Variants in DSTYK observed in about 807,000 individuals in gnomAD.
DSTYK encodes the protein RIP-homologous kinase.
Under a neutral mutation model 98.7 loss-of-function variants are expected in DSTYK, and 34 were observed. The ratio of observed to expected loss-of-function variants is 0.34; its 90% confidence interval spans 0.26 to 0.46. The LOEUF (loss-of-function observed/expected upper bound fraction) is 0.46. Among genes scored for constraint, DSTYK ranks in the 20% least tolerant of loss-of-function variants. The pLI, the probability that DSTYK is intolerant of heterozygous loss-of-function variation, is 1.00. For synonymous variants in DSTYK, 462 were observed against 457.3 expected (o/e 1.01, Z -0.13); for missense variants, 962 against 1,181.7 (o/e 0.81, Z 2.73).
intron 9 of DSTYK, among the ~76,000 whole-genome samples, chr1:205,158,712 T>C (rs572286005): frequency 6.6e-6 from 1 of 152,334 alleles, no homozygotes; most frequent in Admixed American, 6.5e-5. Context: ...CCCCTTGCTA[T>C]GGCCTCTTCC....
chr1:205,176,172 G>C (rs578126474), intron 2 of DSTYK, among the ~76,000 whole-genome samples: 1 of 151,890 alleles, frequency 6.6e-6, no homozygotes, highest in Admixed American at 6.6e-5. Context: ...CCATTTTCTC[G>C]GCATGATTAA....
At position 205,161,477 on chromosome 1, in the gene DSTYK, T is replaced by C; in HGVS notation, c.1819-90A>G. Reference sequence around the variant, plus strand: ...TACAGGGATAATAATATCTACTTCATATAGATAATTGTGAGAATTAAACAA... The same window carrying C: ...TACAGGGATAATAATATCTACTTCACATAGATAATTGTGAGAATTAAACAA... On this transcript the variant is annotated intron_variant, in intron 6 of 12. Transcript: ENST00000367162. 7.0e-6 allele frequency: 9 copies of C among 1,285,260 alleles called. No homozygotes were observed. The South Asian group carries it at 1.3e-4, about 18-fold the overall frequency. 79.6% of individuals were successfully genotyped at this position (1,285,260 alleles called of 1,614,324 possible).
At chr1:205,210,200 G>A (rs1210008366) in intron 1 of DSTYK, among the ~76,000 whole-genome samples, 1 of 152,064 alleles carries the variant, frequency 6.6e-6, no homozygotes, top group African/African-American at 2.4e-5. Flanking sequence ...ACCGCGCCCG[G>A]CCTCTTCAGG....
chr1:205,209,659 T>TAAATTC (rs1159796549), intron 1 of DSTYK, among the ~76,000 whole-genome samples: 4 of 110,068 alleles, frequency 3.6e-5, no homozygotes, highest in South Asian at 2.8e-4. Flanking sequence ...TACTAGTTTT[T>TAAATTC]CTGATACTGT....
At position 205,168,043 on chromosome 1, in the gene DSTYK, T is replaced by C. The variant is rs537765762; in HGVS notation, c.1324+1120A>G. On this transcript the variant is annotated intron_variant, in intron 3 of 12. Coordinates refer to ENST00000367162, the MANE Select transcript of DSTYK (RefSeq NM_015375.3). ...ATTGCTTGAACCCAGGAGGCGGAGG[T>C]TGCAGTGAGTCAAGATCACGCCACT... 2.0e-5 allele frequency among the ~76,000 whole-genome samples: 3 copies of C among 152,048 alleles called. No individual in the cohort carries two copies. The South Asian group carries it at 6.3e-4, about 32-fold the overall frequency.
intron 2 of DSTYK, among the ~76,000 whole-genome samples, chr1:205,176,578 T>C (rs750301524): frequency 2.0e-5 from 3 of 149,386 alleles, no homozygotes; most frequent in African/African-American, 4.9e-5. Context: ...TTGTTTTGGG[T>C]ATAAAGTGTA....
intron 3 of DSTYK, among the ~76,000 whole-genome samples, chr1:205,167,228 G>T (rs1320121163): frequency 3.3e-5 from 5 of 151,634 alleles, no homozygotes; most frequent in Admixed American, 3.3e-4. Flanking sequence ...TGAAACCCCT[G>T]TCTCTAAAAA....
intron 1 of DSTYK, among the ~76,000 whole-genome samples, chr1:205,210,878 C>G (rs1271285724): frequency 6.6e-6 from 1 of 152,268 alleles, no homozygotes; most frequent in African/African-American, 2.4e-5. Flanking sequence ...CATCTCTAAA[C>G]TGGGGCTCTG....
intron 1 of DSTYK, among the ~76,000 whole-genome samples, chr1:205,196,852 G>A (rs999456968): frequency 3.4e-5 from 5 of 144,962 alleles, no homozygotes; most frequent in Non-Finnish European, 5.9e-5. Context: ...GCAGCCTTCC[G>A]GGTTCGAGCA....
intron 1 of DSTYK, among the ~76,000 whole-genome samples, chr1:205,194,620 C>T (rs191719794): frequency 3.4e-4 from 51 of 150,304 alleles, no homozygotes; most frequent in African/African-American, 8.8e-4. Context: ...TGGGTTCAAG[C>T]GACCCTCCCA....
chr1:205,154,410 TC>T (rs969359093), intron 10 of DSTYK, among the ~76,000 whole-genome samples: 5 of 151,964 alleles, frequency 3.3e-5, no homozygotes, highest in Non-Finnish European at 5.9e-5. Context: ...AAGGGGTTTT[TC>T]CCCCCCTTTT....
intron 1 of DSTYK, among the ~76,000 whole-genome samples, chr1:205,201,025 C>T (rs184239473): frequency 6.6e-6 from 1 of 152,208 alleles, no homozygotes; most frequent in Admixed American, 6.5e-5. Context: ...CCTGCCTCAG[C>T]CTCCTGAGTA....
intron 1 of DSTYK, among the ~76,000 whole-genome samples, chr1:205,207,012 A>G (rs1307466355): frequency 6.6e-6 from 1 of 151,950 alleles, no homozygotes; most frequent in Non-Finnish European, 1.5e-5. Context: ...AAGAGGTGAA[A>G]CCAGGATTCA....
rs1558596039 is a variant in DSTYK at position 205,147,529 on chromosome 1, TAG to T, written c.*27_*28del. On this transcript the variant is annotated 3_prime_UTR_variant, in exon 13 of 13. Coordinates refer to ENST00000367162, the MANE Select transcript of DSTYK (RefSeq NM_015375.3). ...AAAAGGTGAGGGGGAAGGAAATAAC[TAG>T]AGAGTGAAAGAGAAAGGTCTTTGCT... The T allele has an allele frequency of 1.9e-6, 3 of 1,592,706 alleles. No individual in the cohort carries two copies. Among genetic ancestry groups the T allele is most frequent in the African/African-American group, 1.3e-5 (1 of 74,514 alleles).
rs1658009736 is a variant in DSTYK at position 205,169,951 on chromosome 1, C to T, written c.655-119G>A. On this transcript the variant is annotated intron_variant, in intron 2 of 12. Coordinates refer to ENST00000367162, the MANE Select transcript of DSTYK (RefSeq NM_015375.3). This position sits in a 1 kb window ranked among gnomAD's most constrained non-coding sequence, Gnocchi z 4.0. ...ACAATGGAACAATTGGACTTCGGTA[C>T]CCCAGCCATTGATCCACCTCCTTCC... The T allele has an allele frequency of 5.4e-6, 5 of 934,560 alleles. No homozygotes were observed. The highest frequency in any genetic ancestry group is 7.8e-6 in the Non-Finnish European group (5 of 640,196). 57.9% of individuals were successfully genotyped at this position (934,560 alleles called of 1,614,324 possible).
intron 2 of DSTYK, among the ~76,000 whole-genome samples, chr1:205,177,798 C>T (rs575588774): frequency 2.6e-4 from 40 of 151,318 alleles, no homozygotes; most frequent in Non-Finnish European, 4.9e-4. Flanking sequence ...ACCCAGGAGG[C>T]GGAGGTTGCA....
At chr1:205,166,591 T>A (rs570605652) in intron 3 of DSTYK, among the ~76,000 whole-genome samples, 1 of 152,226 alleles carries the variant, frequency 6.6e-6, no homozygotes, top group Admixed American at 6.5e-5. Context: ...GATACTTTAC[T>A]GTCTGCCCAA....
intron 1 of DSTYK, among the ~76,000 whole-genome samples, chr1:205,193,612 T>C (rs1658775837): frequency 6.6e-6 from 1 of 152,190 alleles, no homozygotes; most frequent in Admixed American, 6.6e-5. Context: ...GGCTCATGCC[T>C]GTAATCCCAA....
intron 3 of DSTYK, among the ~76,000 whole-genome samples, chr1:205,165,534 T>C (rs936460428): frequency 1.3e-5 from 2 of 152,168 alleles, no homozygotes; most frequent in African/African-American, 4.8e-5. Context: ...TCAAACTACT[T>C]GCAAAAAGAT....
Sources: gnomAD v4.1 joint callset for allele counts (sites outside exome capture counted in the v4.1 genomes callset) on GRCh38, gnomAD v4.1.1 for gene constraint, Gnocchi (gnomAD v3.1) non-coding constraint, MANE v1.5 for transcripts, NCBI Gene and HGNC (gene_info 2026-07-23, HGNC 2026-07-21) for gene names.